The following XDH variants were observed in gnomAD, a reference collection of about 807,000 sequenced individuals.
XDH encodes the protein xanthine dehydrogenase/oxidase.
A neutral mutation model predicts 156.1 loss-of-function variants in XDH; 138 were observed. The ratio of observed to expected loss-of-function variants is 0.88; its 90% CI spans 0.77 to 1.02. XDH has a LOEUF of 1.02. Among genes scored for constraint, XDH ranks in the 50% least tolerant of loss-of-function variants. The probability of loss-of-function intolerance (pLI) is 0.00; values close to 1 mark genes in which losing one functional copy is unlikely to be tolerated. For synonymous variants in XDH, 669 were observed against 625.7 expected, an observed-to-expected ratio of 1.07 and a Z score of -1.03; for missense variants, 1,849 against 1,684.9, an observed-to-expected ratio of 1.10 and a Z score of -1.71.
chr2:31,374,257 G>T (rs187954373), intron 15 of XDH, among the ~76,000 whole-genome samples: 1 of 152,284 alleles, frequency 6.6e-6, no homozygotes, highest in East Asian at 1.9e-4. Context: ...TGCTGTCTCT[G>T]TTGGGAGTAT....
intron 15 of XDH, 67 bp from the exon 16 acceptor site, chr2:31,374,023 C>T: frequency 6.6e-7 from 1 of 1,511,874 alleles, no homozygotes; most frequent in Non-Finnish European, 9.1e-7. Flanking sequence ...CCTTGCTTGT[C>T]CATAAAAATG....
At chr2:31,376,533 G>C (rs1686249035) in intron 14 of XDH, among the ~76,000 whole-genome samples, 1 of 149,434 alleles carries the variant, frequency 6.7e-6, no homozygotes, top group Non-Finnish European at 1.5e-5. Flanking sequence ...TATAACAGCA[G>C]TAATAGTAGT....
chr2:31,370,071 T>C (rs911548633), intron 18 of XDH, among the ~76,000 whole-genome samples: 8 of 152,272 alleles, frequency 5.3e-5, no homozygotes, highest in Non-Finnish European at 1.5e-5. Context: ...AGCTTACTGT[T>C]GTCCCTTAAG....
intron 6 of XDH, among the ~76,000 whole-genome samples, chr2:31,392,331 C>T (rs1686789110): frequency 1.3e-5 from 2 of 151,802 alleles, no homozygotes; most frequent in East Asian, 3.9e-4. Flanking sequence ...TTTTCTTCAG[C>T]TTACTTTGAA....
chr2:31,395,895 G>A (rs1473481913), intron 6 of XDH, among the ~76,000 whole-genome samples: 1 of 152,208 alleles, frequency 6.6e-6, no homozygotes, highest in Non-Finnish European at 1.5e-5. Context: ...GAAACTGGAA[G>A]TCTTGCTTGT....
chr2:31,407,407 T>C (rs548160527), intron 1 of XDH, among the ~76,000 whole-genome samples: 1 of 152,296 alleles, frequency 6.6e-6, no homozygotes, highest in African/African-American at 2.4e-5. Context: ...TAAAAAGAGC[T>C]GGCTTGGAGG....
At chr2:31,378,111 G>GAAAGAAAGAAAGAAAGAAA (rs1686310900) in intron 13 of XDH, among the ~76,000 whole-genome samples, 1 of 41,712 alleles carries the variant, frequency 2.4e-5, no homozygotes, top group African/African-American at 1.1e-4. Flanking sequence ...AGAAAGAAAG[G>GAAAGAAAGAAAGAAAGAAA]AAGGAAGGAA....
chr2:31,336,715 GA>G (rs1002836856), intron 35 of XDH, among the ~76,000 whole-genome samples: 38 of 150,714 alleles, frequency 2.5e-4, no homozygotes, highest in African/African-American at 9.1e-4. Context: ...GAGGTCTGCG[GA>G]TGGTGGATTT....
Position 31,398,555 on chromosome 2 carries a change from G to T in XDH, c.433+18C>A, listed in dbSNP as rs1451208080. 11 of 1,613,784 alleles carry T rather than the reference G, an allele frequency of 6.8e-6. No homozygotes were observed. Among genetic ancestry groups the T allele is most frequent in the Non-Finnish European group, 8.5e-6 (10 of 1,179,756 alleles). ...CGTTTGCCATTCCACCTCCTAGGCT[G>T]TGCCTGAAGGCCCATACCTTGGAAG... On this transcript the variant is annotated intron_variant, in intron 5 of 35. Transcript: ENST00000379416.
At chr2:31,409,653 A>G (rs1189835474) in intron 1 of XDH, among the ~76,000 whole-genome samples, 1 of 152,238 alleles carries the variant, frequency 6.6e-6, no homozygotes, top group East Asian at 1.9e-4. Context: ...AAAGATGCTG[A>G]ACATCACTAA....
At chr2:31,342,547 G>C (rs1373807636) in intron 31 of XDH, among the ~76,000 whole-genome samples, 1 of 152,170 alleles carries the variant, frequency 6.6e-6, no homozygotes, top group African/African-American at 2.4e-5. Context: ...CAGCCTAGCA[G>C]TGTTTAGTAC....
At chr2:31,396,268 G>A (rs771825752) in intron 6 of XDH, among the ~76,000 whole-genome samples, 11 of 152,148 alleles carry the variant, frequency 7.2e-5, no homozygotes, top group Non-Finnish European at 1.6e-4. Context: ...CTTCCAGGAG[G>A]GAAGGCAACT....
chr2:31,401,411 T>C (rs1687055584), intron 3 of XDH, 83 bp from the exon 4 acceptor site: 1 of 1,425,108 alleles, frequency 7.0e-7, no homozygotes, highest in East Asian at 2.4e-5. Flanking sequence ...TGGAGGACTT[T>C]GTGAGGCTTT....
intron 8 of XDH, 30 bp downstream of exon 8, chr2:31,387,781 G>T: frequency 6.4e-7 from 1 of 1,551,784 alleles, no homozygotes; most frequent in Non-Finnish European, 8.7e-7. Flanking sequence ...GTACAGACCC[G>T]GCTGGATCTG....
intron 30 of XDH, 146 bp downstream of exon 30, chr2:31,346,623 C>A: frequency 2.0e-6 from 2 of 998,850 alleles, no homozygotes; most frequent in East Asian, 4.8e-5. Flanking sequence ...TTTATTCATC[C>A]TGTAAAATCA....
chr2:31,360,101 AC>A (rs1402800359), intron 24 of XDH, among the ~76,000 whole-genome samples: 1 of 152,192 alleles, frequency 6.6e-6, no homozygotes, highest in African/African-American at 2.4e-5. Context: ...AGGAGCAGTA[AC>A]CCCCTTTATC....
intron 9 of XDH, among the ~76,000 whole-genome samples, 181 bp downstream of exon 9, chr2:31,386,233 G>GCAA (rs1686589082): frequency 1.3e-5 from 2 of 152,218 alleles, no homozygotes; most frequent in Non-Finnish European, 2.9e-5. Context: ...GGACTCCACA[G>GCAA]CTAGGGGCCT....
chr2:31,409,742 C>G (rs1461804733), intron 1 of XDH, among the ~76,000 whole-genome samples: 1 of 152,178 alleles, frequency 6.6e-6, no homozygotes, highest in East Asian at 1.9e-4. Flanking sequence ...CAGAAAATAA[C>G]TGTTTGCAAG....
chr2:31,343,886 A>G (rs973238211), intron 31 of XDH, among the ~76,000 whole-genome samples: 1 of 151,928 alleles, frequency 6.6e-6, no homozygotes, highest in Non-Finnish European at 1.5e-5. Flanking sequence ...AGAAATGTTT[A>G]TACATATATA....
Sources: gnomAD v4.1 joint callset for allele counts (sites outside exome capture counted in the v4.1 genomes callset) on GRCh38, gnomAD v4.1.1 for gene constraint, MANE v1.5 for transcripts, NCBI Gene and HGNC (gene_info 2026-07-23, HGNC 2026-07-21) for gene names.